Variants in ZKSCAN2 observed in about 807,000 individuals in gnomAD.
The protein encoded by ZKSCAN2 is zinc finger with KRAB and SCAN domains 2, also known as zinc finger protein with KRAB and SCAN domains 2.
In ZKSCAN2, 38 loss-of-function variants were observed where a neutral mutation model predicts 90.5. The observed-to-expected ratio is 0.42, with a 90% CI of 0.32 to 0.55. The LOEUF is 0.55. ZKSCAN2 is among the 20% of genes least tolerant of loss of function. The pLI, the probability that ZKSCAN2 is intolerant of heterozygous loss-of-function variation, is 0.11. For missense variants in ZKSCAN2, 1,167 were observed against 1,202.6 expected (o/e 0.97, Z 0.44); for synonymous variants, 429 against 421.6 (o/e 1.02, Z -0.22).
intron 4 of ZKSCAN2, among the ~76,000 whole-genome samples, 178 bp downstream of exon 4, chr16:25,251,730 TA>T (rs1372293690): frequency 1.3e-5 from 2 of 152,338 alleles, no homozygotes; most frequent in South Asian, 2.1e-4. Context: ...TTATTATTAT[TA>T]TTTTTTTACT....
In ZKSCAN2 at chr16:25,255,337, A is replaced by G. The variant is rs116148718; in HGVS notation, c.455T>C (p.Val152Ala). 1.0e-3 allele frequency: 1,622 copies of G among 1,613,142 alleles called. 11 individuals are homozygous for G. In the African/African-American group the frequency reaches 0.019, roughly 19 times the overall value. The change falls in exon 2 of 7, where the codon GTG becomes GCG. Residue 152 changes from valine (V) to alanine (A), a missense_variant. Coordinates refer to ENST00000328086, the MANE Select transcript of ZKSCAN2 (RefSeq NM_001012981.5). Reference protein sequence around the residue: ...KHSPLGAAWEVADFQPEQVET... With the variant: ...KHSPLGAAWEAADFQPEQVET... ...CACCTGCTCTGGCTGGAAGTCTGCC[A>G]CCTCCCACGCTGCTCCAAGTGGGGA...
At chr16:25,240,985 C>A (rs997722520) in intron 6 of ZKSCAN2, among the ~76,000 whole-genome samples, 1 of 152,146 alleles carries the variant, frequency 6.6e-6, no homozygotes, top group African/African-American at 2.4e-5. Context: ...ATCCATATCC[C>A]GATTAACAAG....
At position 25,247,265 on chromosome 16, in the gene ZKSCAN2, C is replaced by G. The variant is rs757336756; in HGVS notation, c.931G>C (p.Val311Leu). ...LRSNYVKEKS[V>L]HAIQVPARSA... The stretch of plus-strand genomic sequence containing the variant: ...CTTGCAGGGACCTGAATAGCATGAA[C>G]TGACTTTTCCTTGACGTAGTTGCTT... Residue 311 changes from valine (V) to leucine (L), a missense_variant, in exon 5 of 7, where the codon GTT becomes CTT. By Grantham distance (32) the Val-to-Leu change is conservative (BLOSUM62 1). Transcript: ENST00000328086. 6.2e-7 allele frequency: 1 copy of G among 1,614,098 alleles called. No individual in the cohort carries two copies. The highest frequency in any genetic ancestry group is 8.5e-7 in the Non-Finnish European group (1 of 1,180,044).
intron 6 of ZKSCAN2, among the ~76,000 whole-genome samples, chr16:25,242,935 C>A (rs1485035602): frequency 6.6e-6 from 1 of 152,168 alleles, no homozygotes; most frequent in Non-Finnish European, 1.5e-5. Context: ...CGGGAGCCCA[C>A]AGGGAAGAGC....
intron 6 of ZKSCAN2, among the ~76,000 whole-genome samples, chr16:25,242,675 A>T (rs996580273): frequency 2.6e-5 from 4 of 152,260 alleles, no homozygotes; most frequent in Admixed American, 6.5e-5. Context: ...CTTGAGGTGC[A>T]TGTAGGAAAT....
In ZKSCAN2 at chr16:25,240,291, T is replaced by C. The variant is rs538818316; in HGVS notation, c.2429A>G (p.Lys810Arg). ...AAAATTTGAGGAGTCATTAAAGCTTTTTCCACAGTCAAGACATTTAAAAGG... is the reference window on the plus strand; with the variant it reads ...AAAATTTGAGGAGTCATTAAAGCTTCTTCCACAGTCAAGACATTTAAAAGG... ...EKPFKCLDCGKSFNDSSNFGA... is the reference protein window; with the variant it reads ...EKPFKCLDCGRSFNDSSNFGA... The change falls in exon 7 of 7, where the codon AAA becomes AGA. Residue 810 changes from lysine (K) to arginine (R), a missense_variant. By Grantham distance (26) the Lys-to-Arg change is conservative (BLOSUM62 2). Transcript: ENST00000328086. 1.9e-6 allele frequency: 3 copies of C among 1,614,132 alleles called. No individual in the cohort carries two copies. The highest frequency in any genetic ancestry group is 2.2e-5 in the East Asian group (1 of 44,878).
At chr16:25,247,821 A>T (rs67535715) in intron 4 of ZKSCAN2, among the ~76,000 whole-genome samples, 44,108 of 151,956 alleles carry the variant, frequency 0.29, 7,307 homozygotes, top group African/African-American at 0.45. Context: ...CTATAAGAGA[A>T]AAGAAGCCAA....
intron 4 of ZKSCAN2, among the ~76,000 whole-genome samples, chr16:25,248,334 G>T (rs1962969684): frequency 1.1e-5 from 1 of 90,414 alleles, no homozygotes; most frequent in Admixed American, 1.0e-4. Flanking sequence ...AACAAAAACA[G>T]TCAACAAAGT....
intron 4 of ZKSCAN2, among the ~76,000 whole-genome samples, chr16:25,248,348 G>GA (rs35328944): frequency 0.13 from 17,342 of 134,010 alleles, 1,170 homozygotes; most frequent in Middle Eastern, 0.19. Context: ...ACAAAGTGAT[G>GA]AAAAAATCTA....
chr16:25,254,914 C>G (rs1335609549), intron 2 of ZKSCAN2, among the ~76,000 whole-genome samples: 4 of 151,864 alleles, frequency 2.6e-5, no homozygotes, highest in African/African-American at 9.7e-5. Flanking sequence ...CTGACTCAGC[C>G]TCCTGAGTAG....
intron 4 of ZKSCAN2, 60 bp from the exon 5 acceptor site, chr16:25,247,450 C>A: frequency 6.9e-7 from 1 of 1,445,452 alleles, no homozygotes; most frequent in Non-Finnish European, 9.4e-7. Context: ...ATGCCTCAAT[C>A]TTCTGCTGTC....
Position 25,240,257 on chromosome 16 carries a change from G to A in ZKSCAN2, c.2463C>T (p.His821=), listed in dbSNP as rs771647974. 11 of 1,613,992 alleles carry A rather than the reference G, an allele frequency of 6.8e-6. No homozygotes were observed. In the South Asian group the frequency reaches 1.1e-4, roughly 16 times the overall value. Reference sequence around the variant, plus strand: ...GTTTCTCTCCTGTGTGGATTCTCTGGTGGGCACCAAAATTTGAGGAGTCAT... The same window carrying A: ...GTTTCTCTCCTGTGTGGATTCTCTGATGGGCACCAAAATTTGAGGAGTCAT... ...SFNDSSNFGA[H]QRIHTGEKPY... Residue 821 remains histidine, a synonymous_variant, in exon 7 of 7, where the codon CAC becomes CAT. Coordinates refer to ENST00000328086, the MANE Select transcript of ZKSCAN2 (RefSeq NM_001012981.5).
chr16:25,239,602 G>A lies in ZKSCAN2; in HGVS notation c.*214C>T, dbSNP rs1296070140. On this transcript the variant is annotated 3_prime_UTR_variant, in exon 7 of 7. Coordinates refer to ENST00000328086, the MANE Select transcript of ZKSCAN2 (RefSeq NM_001012981.5). The stretch of plus-strand genomic sequence containing the variant: ...TTCTGAACTCGGACAATGTATCTTC[G>A]CCACATTCTTAAAGGAGAAGCTGAG... 3 of 485,294 alleles carry A rather than the reference G, an allele frequency of 6.2e-6. No homozygotes were observed. Among genetic ancestry groups the A allele is most frequent in the East Asian group, 3.1e-5 (1 of 32,266 alleles). The allele number at this position is 485,294 out of a possible 1,614,324, so 30.1% of individuals were successfully genotyped here.
rs1218003038 is a variant in ZKSCAN2, at chr16:25,238,416, T to G, written c.*1400A>C. 6.6e-6 allele frequency: 1 copy of G among 152,250 alleles called. No individual in the cohort carries two copies. The highest frequency in any genetic ancestry group is 1.5e-5 in the Non-Finnish European group (1 of 68,046). 9.4% of individuals were successfully genotyped at this position (152,250 alleles called of 1,614,324 possible). On this transcript the variant is annotated 3_prime_UTR_variant, in exon 7 of 7. Transcript: ENST00000328086. ...GAAAATCAAATCTCTGGGTTTCATCTGTAACTTCAAAAGTCAATTAACCAT... is the reference window on the plus strand; with the variant it reads ...GAAAATCAAATCTCTGGGTTTCATCGGTAACTTCAAAAGTCAATTAACCAT...
chr16:25,248,543 C>T (rs1215470137), intron 4 of ZKSCAN2, among the ~76,000 whole-genome samples: 1 of 152,062 alleles, frequency 6.6e-6, no homozygotes, highest in Non-Finnish European at 1.5e-5. Flanking sequence ...CAGATAGGTA[C>T]ATGAAAAGGT....
rs1481970199 is a variant in ZKSCAN2 at position 25,246,875 on chromosome 16, T to C, written c.1321A>G (p.Met441Val). Residue 441 changes from methionine to valine, a missense_variant, in exon 5 of 7, where the codon ATG becomes GTG. By Grantham distance (21) the Met-to-Val change is conservative. Coordinates refer to ENST00000328086, the MANE Select transcript of ZKSCAN2 (RefSeq NM_001012981.5). Reference protein sequence around the residue: ...RAPSTDKPKEMIPVPRLKRIA... With the variant: ...RAPSTDKPKEVIPVPRLKRIA... Reference sequence around the variant, plus strand: ...CTCTTCAGTCTGGGGACAGGTATCATCTCCTTTGGTTTATCAGTGGACGGA... The same window carrying C: ...CTCTTCAGTCTGGGGACAGGTATCACCTCCTTTGGTTTATCAGTGGACGGA... The C allele has an allele frequency of 1.2e-6, 2 of 1,614,072 alleles. No homozygotes were observed. The highest frequency in any genetic ancestry group is 1.7e-6 in the Non-Finnish European group (2 of 1,180,042).
chr16:25,253,714 T>G (rs1211523488), intron 2 of ZKSCAN2, among the ~76,000 whole-genome samples: 1 of 152,216 alleles, frequency 6.6e-6, no homozygotes, highest in Non-Finnish European at 1.5e-5. Context: ...ATTTCCCTCT[T>G]AAAGATGAGA....
At chr16:25,249,222 T>C (rs1962982572) in intron 4 of ZKSCAN2, among the ~76,000 whole-genome samples, 1 of 152,206 alleles carries the variant, frequency 6.6e-6, no homozygotes, top group African/African-American at 2.4e-5. Context: ...TAATCTATTA[T>C]ATAAATTTAG....
chr16:25,247,592 C>A (rs75153361), intron 4 of ZKSCAN2, among the ~76,000 whole-genome samples: 2 of 152,138 alleles, frequency 1.3e-5, no homozygotes, highest in East Asian at 3.8e-4. Context: ...CATATATGTA[C>A]CATTTCTTTT....
Sources: allele counts gnomAD v4.1 joint callset (sites outside exome capture counted in the v4.1 genomes callset), GRCh38; gene constraint gnomAD v4.1.1; transcripts MANE v1.5; gene names NCBI Gene and HGNC (gene_info 2026-07-23, HGNC 2026-07-21).